AGFG1: variants seen among roughly 807,000 people sequenced by gnomAD.
AGFG1 encodes arf-GAP domain and FG repeat-containing protein 1.
In AGFG1, 10 loss-of-function variants were observed where a neutral mutation model predicts 60.6. That is an observed-to-expected ratio of 0.16 (90% confidence interval 0.10 to 0.28). AGFG1 has a LOEUF of 0.28. Ranked by LOEUF, AGFG1 falls within the 10% of genes least tolerant of loss-of-function variation. AGFG1 has a pLI of 1.00. For missense variants in AGFG1, 537 were observed against 676.5 expected (o/e 0.79, Z 2.29); for synonymous variants, 247 against 242.9 (o/e 1.02, Z -0.16).
In AGFG1 at chr2:227,478,453, C is replaced by T. The variant is rs1311077728; in HGVS notation, c.167+5865C>T. The stretch of plus-strand genomic sequence containing the variant: ...GACCTCCCCAGGCTTAGGTGATCCT[C>T]CGACCTCAGCTTCCCAGGTACCTGG... On this transcript the variant is annotated intron_variant, in intron 1 of 12. Coordinates refer to ENST00000310078, the MANE Select transcript of AGFG1 (RefSeq NM_004504.5). Among the ~76,000 whole-genome samples, 10 of 152,090 alleles carry T rather than the reference C, an allele frequency of 6.6e-5. No homozygotes were observed. The East Asian group carries it at 1.9e-3, about 29-fold the overall frequency.
intron 10 of AGFG1, among the ~76,000 whole-genome samples, chr2:227,551,680 A>G (rs997524063): frequency 3.9e-5 from 6 of 152,186 alleles, no homozygotes; most frequent in African/African-American, 1.4e-4. Flanking sequence ...TTAGACTTGA[A>G]TTTATAATTT....
At chr2:227,552,956 C>T (rs1235829329) in intron 11 of AGFG1, among the ~76,000 whole-genome samples, 4 of 140,342 alleles carry the variant, frequency 2.9e-5, no homozygotes, top group Non-Finnish European at 4.5e-5. Context: ...GAGCCGAGAT[C>T]GCCATTGCAC....
At chr2:227,485,144 C>G (rs1690587520) in intron 1 of AGFG1, among the ~76,000 whole-genome samples, 2 of 152,066 alleles carry the variant, frequency 1.3e-5, no homozygotes, top group Admixed American at 6.5e-5. Flanking sequence ...CTTCTCCCTT[C>G]CATTGAGAAG....
chr2:227,517,106 G>C (rs369862250), intron 2 of AGFG1, among the ~76,000 whole-genome samples: 2 of 152,172 alleles, frequency 1.3e-5, no homozygotes. Context: ...GCAGTAAGTT[G>C]TACTAATGTT....
At chr2:227,518,766 TC>T (rs1226880192) in intron 2 of AGFG1, among the ~76,000 whole-genome samples, 2 of 152,136 alleles carry the variant, frequency 1.3e-5, no homozygotes, top group Non-Finnish European at 2.9e-5. Context: ...CCTCAGGTGA[TC>T]CGCCTGCACC....
intron 10 of AGFG1, among the ~76,000 whole-genome samples, chr2:227,539,060 T>C (rs1268150937): frequency 6.6e-6 from 1 of 152,220 alleles, no homozygotes; most frequent in Non-Finnish European, 1.5e-5. Flanking sequence ...ATATAAACAA[T>C]ACTTCGACAG....
intron 11 of AGFG1, among the ~76,000 whole-genome samples, chr2:227,553,326 T>G (rs939434445): frequency 6.6e-6 from 1 of 151,942 alleles, no homozygotes; most frequent in African/African-American, 2.4e-5. Context: ...AGTGAAACCC[T>G]GTCTACAAAA....
In AGFG1 at chr2:227,557,245, A is replaced by G. The variant is rs1047976954; in HGVS notation, c.*2750A>G. On this transcript the variant is annotated 3_prime_UTR_variant, in exon 13 of 13. Coordinates refer to ENST00000310078, the MANE Select transcript of AGFG1 (RefSeq NM_004504.5). ...CAAACTTTTGACATAGTTTAAAGAC[A>G]TTTTTTCCCCATTTTTTGAAATAGA... is the stretch of plus-strand genomic sequence containing the variant. 1 of 152,126 alleles carries G rather than the reference A, an allele frequency of 6.6e-6. No individual in the cohort carries two copies. The highest frequency in any genetic ancestry group is 1.5e-5 in the Non-Finnish European group (1 of 68,020). The allele number at this position is 152,126 out of a possible 1,614,324, so 9.4% of individuals were successfully genotyped here.
At chr2:227,525,444 A>G (rs1385517441) in intron 5 of AGFG1, among the ~76,000 whole-genome samples, 1 of 152,196 alleles carries the variant, frequency 6.6e-6, no homozygotes, top group East Asian at 1.9e-4. Flanking sequence ...TATAGTTCAG[A>G]TTTTTCCATA....
chr2:227,535,544 A>G (rs1238619222), intron 8 of AGFG1, among the ~76,000 whole-genome samples: 1 of 152,204 alleles, frequency 6.6e-6, no homozygotes, highest in Non-Finnish European at 1.5e-5. Flanking sequence ...AATTCTTGGC[A>G]GTAGGAAGTC....
At chr2:227,499,740 G>A (rs752759179) in intron 2 of AGFG1, among the ~76,000 whole-genome samples, 8 of 152,148 alleles carry the variant, frequency 5.3e-5, no homozygotes, top group Admixed American at 6.5e-5. Context: ...AGTAGTATGT[G>A]GCATAGATTC....
chr2:227,558,819 G>A lies in AGFG1; in HGVS notation c.*4324G>A, dbSNP rs779910007. 6 of 152,140 alleles carry A rather than the reference G, an allele frequency of 3.9e-5. No homozygotes were observed. The highest frequency in any genetic ancestry group is 8.8e-5 in the Non-Finnish European group (6 of 68,014). 9.4% of individuals were successfully genotyped at this position (152,140 alleles called of 1,614,324 possible). ...TCATGGTGATTTTACCTGCCAATCT[G>A]ATGTCATTAAATGCAGTTTGATGAA... On this transcript the variant is annotated 3_prime_UTR_variant, in exon 13 of 13. Coordinates refer to ENST00000310078, the MANE Select transcript of AGFG1 (RefSeq NM_004504.5).
At chr2:227,512,313 A>G (rs945913230) in intron 2 of AGFG1, among the ~76,000 whole-genome samples, 4 of 152,188 alleles carry the variant, frequency 2.6e-5, no homozygotes, top group Non-Finnish European at 5.9e-5. Flanking sequence ...ATGCAAAACC[A>G]TCAGTTTCTC....
At chr2:227,543,909 G>T (rs1056317337) in intron 10 of AGFG1, among the ~76,000 whole-genome samples, 39 of 152,076 alleles carry the variant, frequency 2.6e-4, no homozygotes, top group African/African-American at 9.2e-4. Context: ...TTGTTGAATT[G>T]ATCCCTTTAC....
At chr2:227,524,677 G>T in intron 4 of AGFG1, 85 bp from the exon 5 acceptor site, 3 of 1,390,914 alleles carry the variant, frequency 2.2e-6, no homozygotes, top group Non-Finnish European at 3.0e-6. Flanking sequence ...GTATGTATAA[G>T]TGTGTTTTAA....
intron 6 of AGFG1, 25 bp downstream of exon 6, chr2:227,531,235 T>G (rs1415433092): frequency 2.5e-6 from 4 of 1,599,520 alleles, no homozygotes; most frequent in African/African-American, 2.7e-5. Flanking sequence ...GCATTGTGCT[T>G]AAATGTTTAC....
chr2:227,476,678 AAG>A (rs1690289889), intron 1 of AGFG1, among the ~76,000 whole-genome samples: 1 of 152,182 alleles, frequency 6.6e-6, no homozygotes, highest in African/African-American at 2.4e-5. Context: ...GACAGATGAA[AAG>A]AGGTATTTAA....
intron 6 of AGFG1, among the ~76,000 whole-genome samples, chr2:227,532,749 C>CA (rs1245204980): frequency 6.6e-6 from 1 of 151,748 alleles, no homozygotes; most frequent in Non-Finnish European, 1.5e-5. Flanking sequence ...ACTAATATCC[C>CA]AAAAATGTAG....
At chr2:227,496,892 C>T (rs534825443) in intron 2 of AGFG1, among the ~76,000 whole-genome samples, 21 of 152,132 alleles carry the variant, frequency 1.4e-4, no homozygotes, top group African/African-American at 4.3e-4. Flanking sequence ...CATTAATATT[C>T]GGGTTATGTA....
Sources: gnomAD v4.1 joint callset for allele counts (sites outside exome capture counted in the v4.1 genomes callset) on GRCh38, gnomAD v4.1.1 for gene constraint, MANE v1.5 for transcripts, NCBI Gene and HGNC (gene_info 2026-07-23, HGNC 2026-07-21) for gene names.